CD226: variants seen among roughly 807,000 people sequenced by gnomAD.
CD226 encodes CD226 antigen.
CD226 carries 24 observed loss-of-function variants against 34.9 expected under a neutral mutation model. That is an observed-to-expected ratio of 0.69 (90% CI 0.50 to 0.97). CD226 has a LOEUF of 0.97. CD226 is among the 50% of genes least tolerant of loss of function. The pLI is 0.00. For synonymous variants in CD226, 148 were observed against 147.4 expected, an observed-to-expected ratio of 1.00 and a Z score of -0.03; for missense variants, 397 against 412.7, an observed-to-expected ratio of 0.96 and a Z score of 0.33.
intron 2 of CD226, among the ~76,000 whole-genome samples, chr18:69,900,284 C>G (rs148973936): frequency 6.6e-6 from 1 of 151,886 alleles, no homozygotes; most frequent in Middle Eastern, 3.2e-3. Flanking sequence ...TAGTTGAGAG[C>G]GGAGGGTGGG....
upstream of CD226, chr18:69,961,627 A>T (rs1354277367): frequency 6.6e-6 from 1 of 152,104 alleles, no homozygotes; most frequent in Non-Finnish European, 1.5e-5. Flanking sequence ...AGCAAACTTC[A>T]CCCACGACTC....
chr18:69,869,416 T>C (rs944068264), intron 4 of CD226, among the ~76,000 whole-genome samples: 5 of 152,072 alleles, frequency 3.3e-5, no homozygotes, highest in African/African-American at 1.2e-4. Context: ...GAAAACCAAA[T>C]ACCACATGTT....
At chr18:69,945,287 A>G (rs1302892246) in intron 2 of CD226, among the ~76,000 whole-genome samples, 1 of 152,214 alleles carries the variant, frequency 6.6e-6, no homozygotes, top group Non-Finnish European at 1.5e-5. Context: ...TTCAACAAGT[A>G]GAATGGCACT....
chr18:69,938,877 G>A (rs1214245064), intron 2 of CD226, among the ~76,000 whole-genome samples: 1 of 152,206 alleles, frequency 6.6e-6, no homozygotes, highest in Non-Finnish European at 1.5e-5. Flanking sequence ...CCTGAGGTCA[G>A]GAGTTTGAGA....
At chr18:69,957,196 C>G (rs936284376), upstream of CD226, 5 of 152,208 alleles carry the variant, frequency 3.3e-5, no homozygotes, top group Non-Finnish European at 7.3e-5. Flanking sequence ...AGAAACTACA[C>G]TCCCCGCCGA....
chr18:69,895,979 AG>A lies in CD226; in HGVS notation c.448del (p.Leu150SerfsTer7). ...IVSEPGKNVTLTCQPQMTWPV... is the reference protein window; with the variant it reads ...IVSEPGKNVTXTCQPQMTWPV... ...CCACGTCATCTGAGGCTGACAAGTG[AG>A]TGTGACATTCTTTCCAGGTTCCGAA... On this transcript the variant is annotated frameshift_variant, in exon 3 of 6. Coordinates refer to ENST00000582621, the MANE Select transcript of CD226 (RefSeq NM_001303618.2). LOFTEE classifies it high-confidence loss of function. 6.2e-7 allele frequency: 1 copy of A among 1,613,982 alleles called. No homozygotes were observed. Among genetic ancestry groups the A allele is most frequent in the Non-Finnish European group, 8.5e-7 (1 of 1,180,014 alleles).
rs1983209851 is a variant in CD226 at position 69,867,351 on chromosome 18, A to C, written c.885+6T>G. 3 of 1,585,012 alleles carry C rather than the reference A, an allele frequency of 1.9e-6. No individual in the cohort carries two copies. The South Asian group carries it at 3.3e-5, about 18-fold the overall frequency. ...AGAAAAAAATGACAGTTCCGTATAAACTTACCTTCTGTGTATCCCAGGACT... is the reference window on the plus strand; with the variant it reads ...AGAAAAAAATGACAGTTCCGTATAACCTTACCTTCTGTGTATCCCAGGACT... On this transcript the variant is annotated splice_donor_region_variant and intron_variant, in intron 5 of 5. Transcript: ENST00000582621.
intron 2 of CD226, among the ~76,000 whole-genome samples, chr18:69,924,803 C>T (rs1414606549): frequency 6.6e-6 from 1 of 151,068 alleles, no homozygotes; most frequent in African/African-American, 2.4e-5. Context: ...TCACATAGCA[C>T]TCCAAAGTAA....
chr18:69,934,252 A>G (rs1427093477), intron 2 of CD226, among the ~76,000 whole-genome samples: 1 of 149,590 alleles, frequency 6.7e-6, no homozygotes, highest in Non-Finnish European at 1.5e-5. Flanking sequence ...TATATCATGA[A>G]GGAAATGATC....
At chr18:69,945,863 T>C (rs1021498612) in intron 2 of CD226, among the ~76,000 whole-genome samples, 17 of 152,022 alleles carry the variant, frequency 1.1e-4, no homozygotes, top group African/African-American at 4.1e-4. Context: ...AGTCACGTCT[T>C]ACATGGATGG....
chr18:69,933,881 T>C (rs1050077298), intron 2 of CD226, among the ~76,000 whole-genome samples: 1 of 152,230 alleles, frequency 6.6e-6, no homozygotes, highest in Admixed American at 6.5e-5. Context: ...TTTCATCTTA[T>C]TAAATGTTTG....
chr18:69,944,465 G>A (rs1684295279), intron 2 of CD226: 1 of 152,192 alleles, frequency 6.6e-6, no homozygotes, highest in South Asian at 2.1e-4. Context: ...CTATTCATAT[G>A]TGATGTTAAA....
Position 69,947,371 on chromosome 18 carries a change from A to G in CD226, c.36T>C (p.His12=), listed in dbSNP as rs1242735496. The G allele has an allele frequency of 1.1e-5, 17 of 1,583,226 alleles. No homozygotes were observed. The highest frequency in any genetic ancestry group is 2.3e-5 in the South Asian group (2 of 86,918). The change falls in exon 1 of 6, where the codon CAT becomes CAC. Residue 12 remains histidine, a synonymous_variant. Coordinates refer to ENST00000582621, the MANE Select transcript of CD226 (RefSeq NM_001303618.2). ...AAAGATCATCTTTACCTCTGTATAC[A>G]TGAAGAAGAGCCAAAAGTAAAGTAG... is the stretch of plus-strand genomic sequence containing the variant. The part of the protein sequence containing the change: ...DYPTLLLALL[H]VYRALCEEVL...
rs773249895 is a variant in CD226, at chr18:69,873,253, G to C, written c.728-7C>G. On this transcript the variant is annotated splice_region_variant and splice_polypyrimidine_tract_variant and intron_variant, in intron 3 of 5. Coordinates refer to ENST00000582621, the MANE Select transcript of CD226 (RefSeq NM_001303618.2). ...TATTGGTTATCGGTTTTACCTAGGA[G>C]AGAAAAAAAATATTGTAGGAATTAG... 2 of 1,464,564 alleles carry C rather than the reference G, an allele frequency of 1.4e-6. No individual in the cohort carries two copies. Among genetic ancestry groups the C allele is most frequent in the Non-Finnish European group, 1.9e-6 (2 of 1,052,554 alleles). The allele number at this position is 1,464,564 out of a possible 1,614,324, so 90.7% of individuals were successfully genotyped here. A position where few individuals can be genotyped will look rare whatever the true frequency, so the allele number is the denominator to read the frequency against.
At position 69,884,786 on chromosome 18, in the gene CD226, G is replaced by C. The variant is rs148126919; in HGVS notation, c.727+10915C>G. Among the ~76,000 whole-genome samples, 261 of 152,300 alleles carry C rather than the reference G, an allele frequency of 1.7e-3. 1 individual carries two copies. The highest frequency in any genetic ancestry group is 5.1e-4 in the Non-Finnish European group (35 of 68,038). On this transcript the variant is annotated intron_variant, in intron 3 of 5. Transcript: ENST00000582621. The stretch of plus-strand genomic sequence containing the variant: ...GTTGAATCTAGGATGAAGCATGTGT[G>C]ACAAATGTCTGACAAGCCCTCTTAC...
intron 4 of CD226, among the ~76,000 whole-genome samples, chr18:69,870,196 C>A (rs1475905564): frequency 6.6e-6 from 1 of 151,702 alleles, no homozygotes; most frequent in Non-Finnish European, 1.5e-5. Flanking sequence ...AAATATATAT[C>A]TAACATTTTT....
At chr18:69,954,738 C>T (rs1380642394) in intron 1 of CD226, among the ~76,000 whole-genome samples, 2 of 152,098 alleles carry the variant, frequency 1.3e-5, no homozygotes, top group Admixed American at 6.5e-5. Flanking sequence ...TGTGTATTTG[C>T]ACCCTGGAAT....
chr18:69,926,530 T>C (rs1758971663), intron 2 of CD226, among the ~76,000 whole-genome samples: 1 of 152,142 alleles, frequency 6.6e-6, no homozygotes, highest in Non-Finnish European at 1.5e-5. Context: ...AGCTATAATA[T>C]CTCATTCATC....
At chr18:69,938,243 A>C (rs752098199) in intron 2 of CD226, among the ~76,000 whole-genome samples, 1 of 152,148 alleles carries the variant, frequency 6.6e-6, no homozygotes, top group South Asian at 2.1e-4. Context: ...TATGAGTTCT[A>C]TGTGTCTTCT....
Sources: allele counts gnomAD v4.1 joint callset (sites outside exome capture counted in the v4.1 genomes callset), GRCh38; gene constraint gnomAD v4.1.1; transcripts MANE v1.5; gene names NCBI Gene and HGNC (gene_info 2026-07-23, HGNC 2026-07-21).